Variants in SLC9A6 observed in about 807,000 individuals in gnomAD.
SLC9A6 encodes sodium/hydrogen exchanger 6.
SLC9A6 carries 6 observed loss-of-function variants against 45.3 expected under a neutral mutation model. The ratio of observed to expected loss-of-function variants is 0.13; its 90% CI spans 0.07 to 0.26. SLC9A6 has a LOEUF of 0.26. Ranked by LOEUF, SLC9A6 falls within the 10% of genes least tolerant of loss-of-function variation. The pLI is 1.00. For synonymous variants in SLC9A6, 191 were observed against 187.7 expected (o/e 1.02, Z -0.14); for missense variants, 278 against 503.7 (o/e 0.55, Z 4.29).
At chrX:135,989,467 C>T (rs1339258162) in intron 2 of SLC9A6, among the ~76,000 whole-genome samples, 2 of 111,951 alleles carry the variant, frequency 1.8e-5, no homozygotes, top group Non-Finnish European at 3.8e-5. Context: ...GAGGTTTAAC[C>T]AATGTGATTC....
rs569372174 is a variant in SLC9A6, at chrX:136,001,336, CAAAAAAA to C, written c.638-756_638-750del. Among the ~76,000 whole-genome samples, 3 of 23,591 alleles carry C rather than the reference CAAAAAAA, an allele frequency of 1.3e-4. No homozygotes were observed. In the East Asian group the frequency reaches 3.8e-3, roughly 30 times the overall value. The allele number at this position is 23,591 out of a possible 115,157, so 20.5% of individuals were successfully genotyped here. A position where few individuals can be genotyped will look rare whatever the true frequency, so the allele number is the denominator to read the frequency against. On this transcript the variant is annotated intron_variant, in intron 6 of 17. Transcript: ENST00000630721. ...TGGGCGACAGAGCAAGACTCCATCT[CAAAAAAA>C]AAAAAAAAAAAAAAACCAAAAGGCT...
At chrX:135,976,850 A>G (rs2089265786) in intron 1 of SLC9A6, among the ~76,000 whole-genome samples, 1 of 111,881 alleles carries the variant, frequency 8.9e-6, no homozygotes. Context: ...CCCTCTTAAG[A>G]TGCATTTCTC....
intron 6 of SLC9A6, among the ~76,000 whole-genome samples, chrX:135,999,457 G>T (rs2089551289): frequency 8.9e-6 from 1 of 111,815 alleles, no homozygotes; most frequent in African/African-American, 3.2e-5. Context: ...GCTAATACAG[G>T]TTTGATTTGG....
chrX:135,976,241 T>G (rs1218138337), intron 1 of SLC9A6, among the ~76,000 whole-genome samples: 1 of 111,661 alleles, frequency 9.0e-6, no homozygotes, highest in African/African-American at 3.3e-5. Flanking sequence ...AGATAATCTC[T>G]CTGTAGTTGA....
At chrX:135,976,065 G>A (rs951359155) in intron 1 of SLC9A6, among the ~76,000 whole-genome samples, 1 of 109,070 alleles carries the variant, frequency 9.2e-6, no homozygotes, top group Non-Finnish European at 1.9e-5. Flanking sequence ...TTTTGTCCTG[G>A]ATCTCATTTT....
At chrX:136,000,254 CAAAAAAAAA>C (rs1212509294) in intron 6 of SLC9A6, among the ~76,000 whole-genome samples, 12 of 15,783 alleles carry the variant, frequency 7.6e-4, no homozygotes, top group African/African-American at 2.2e-3. Flanking sequence ...ACCCTGTCTC[CAAAAAAAAA>C]AAAAAAAAAA....
intron 6 of SLC9A6, among the ~76,000 whole-genome samples, chrX:136,000,782 G>A (rs1556617257): frequency 9.0e-6 from 1 of 111,066 alleles, no homozygotes. Flanking sequence ...ATGAGCTTTG[G>A]TATCAGTATA....
intron 15 of SLC9A6, among the ~76,000 whole-genome samples, chrX:136,031,249 G>A (rs2071314137): frequency 8.9e-6 from 1 of 112,429 alleles, no homozygotes; most frequent in Non-Finnish European, 1.9e-5. Flanking sequence ...CAGTTCAAAA[G>A]ACAAATGCTC....
At chrX:135,996,578 C>G (rs2089500354) in intron 3 of SLC9A6, among the ~76,000 whole-genome samples, 1 of 111,195 alleles carries the variant, frequency 9.0e-6, no homozygotes, top group Admixed American at 9.6e-5. Flanking sequence ...AGTGGGCTAT[C>G]GGAAGTAGAA....
chrX:136,005,238 T>C (rs1397431606), intron 7 of SLC9A6, among the ~76,000 whole-genome samples: 1 of 112,817 alleles, frequency 8.9e-6, no homozygotes, highest in African/African-American at 3.2e-5. Context: ...ATAAAAACCC[T>C]CATTGAAAGA....
At chrX:136,020,013 G>A (rs190888023) in intron 11 of SLC9A6, among the ~76,000 whole-genome samples, 1 of 112,398 alleles carries the variant, frequency 8.9e-6, no homozygotes, top group Non-Finnish European at 1.9e-5. Flanking sequence ...TGATTAGACT[G>A]GAGTTACATG....
At chrX:135,989,981 T>TTTTTTGTTTTTG (rs1235027805) in intron 2 of SLC9A6, among the ~76,000 whole-genome samples, 5 of 111,561 alleles carry the variant, frequency 4.5e-5, no homozygotes, top group African/African-American at 1.3e-4. Flanking sequence ...TGGTTGTGTT[T>TTTTTTGTTTTTG]TTTTTGTTTT....
chrX:136,032,759 T>A (rs1556621287), intron 15 of SLC9A6, among the ~76,000 whole-genome samples: 1 of 112,780 alleles, frequency 8.9e-6, no homozygotes, highest in African/African-American at 3.2e-5. Flanking sequence ...TCGAGATCCA[T>A]GACGACTCCC....
Position 135,985,471 on chromosome X carries a change from C to G in SLC9A6, c.-63C>G, listed in dbSNP as rs782048197. The G allele has an allele frequency of 2.0e-6, 2 of 1,020,812 alleles. No individual in the cohort carries two copies. Among genetic ancestry groups the G allele is most frequent in the Admixed American group, 4.7e-5 (1 of 21,319 alleles). 84.1% of individuals were successfully genotyped at this position (1,020,812 alleles called of 1,213,427 possible). ...GAGTGGTCCGACCGCGGGCGGCCGC[C>G]GGTGAGGTAGGGGCGGGAGGCGGGG... On this transcript the variant is annotated 5_prime_UTR_variant, in exon 1 of 18. Transcript: ENST00000630721.
At chrX:136,041,244 G>T (rs782750421) in intron 17 of SLC9A6, among the ~76,000 whole-genome samples, 1 of 112,102 alleles carries the variant, frequency 8.9e-6, no homozygotes. Flanking sequence ...GGTGCAACAC[G>T]CAGAACCTTG....
upstream of SLC9A6, chrX:135,985,401 C>T (rs1424557861): frequency 1.7e-5 from 9 of 534,056 alleles, no homozygotes; most frequent in Non-Finnish European, 1.8e-5. Flanking sequence ...GCGCGCGCTC[C>T]GACGGCTACC....
At chrX:136,033,756 T>C (rs1245422767) in intron 16 of SLC9A6, among the ~76,000 whole-genome samples, 2 of 111,844 alleles carry the variant, frequency 1.8e-5, no homozygotes, top group East Asian at 2.8e-4. Flanking sequence ...TTCTTTGATA[T>C]ATAGGTTTAT....
At chrX:136,036,535 A>G (rs782552208) in intron 16 of SLC9A6, among the ~76,000 whole-genome samples, 2 of 112,038 alleles carry the variant, frequency 1.8e-5, no homozygotes, top group African/African-American at 3.2e-5. Flanking sequence ...TATTTTTAAG[A>G]TAAGTTCCCA....
At chrX:136,031,083 G>A (rs1467243815) in intron 15 of SLC9A6, among the ~76,000 whole-genome samples, 1 of 111,981 alleles carries the variant, frequency 8.9e-6, no homozygotes, top group Non-Finnish European at 1.9e-5. Flanking sequence ...GACTCTTGTG[G>A]TCAGAGCCTT....
Sources: gnomAD v4.1 joint callset for allele counts (sites outside exome capture counted in the v4.1 genomes callset) on GRCh38, gnomAD v4.1.1 for gene constraint, MANE v1.5 for transcripts, NCBI Gene and HGNC (gene_info 2026-07-23, HGNC 2026-07-21) for gene names.